Variants in CADPS observed in about 807,000 individuals in gnomAD.
The protein encoded by CADPS is calcium dependent secretion activator, also known as calcium-dependent secretion activator 1.
CADPS carries 57 observed loss-of-function variants against 167.3 expected under a neutral mutation model. The observed-to-expected ratio is 0.34, with a 90% CI of 0.28 to 0.42. The LOEUF is 0.42. Ranked by LOEUF, CADPS falls within the 20% of genes least tolerant of loss-of-function variation. CADPS has a pLI of 1.00. For synonymous variants in CADPS, 676 were observed against 635.3 expected (o/e 1.06, Z -0.96); for missense variants, 1,414 against 1,738.1 (o/e 0.81, Z 3.32).
At chr3:62,508,118 T>A (rs1398424569) in intron 17 of CADPS, among the ~76,000 whole-genome samples, 1 of 152,128 alleles carries the variant, frequency 6.6e-6, no homozygotes, top group Non-Finnish European at 1.5e-5. Context: ...GACTCTAACA[T>A]GTGGATGCTA....
Position 62,518,131 on chromosome 3 carries a change from C to G in CADPS, c.2393+18G>C. On this transcript the variant is annotated intron_variant, in intron 14 of 29. Coordinates refer to ENST00000383710, the MANE Select transcript of CADPS (RefSeq NM_003716.4). The stretch of plus-strand genomic sequence containing the variant: ...ACTCTCATCTCCTAATTAAAGCTCT[C>G]CAGCCCCAGATCCTTACCTAAAATG... The G allele has an allele frequency of 6.4e-7, 1 of 1,573,790 alleles. No individual in the cohort carries two copies. The highest frequency in any genetic ancestry group is 1.1e-5 in the South Asian group (1 of 90,124).
chr3:62,730,314 T>G (rs2077527746), intron 3 of CADPS, among the ~76,000 whole-genome samples: 1 of 152,264 alleles, frequency 6.6e-6, no homozygotes, highest in East Asian at 1.9e-4. Flanking sequence ...CAATAGAAGG[T>G]TATGCTACTG....
intron 9 of CADPS, 130 bp from the exon 10 acceptor site, chr3:62,557,643 G>A (rs1376899277): frequency 4.2e-6 from 3 of 711,938 alleles, no homozygotes; most frequent in Non-Finnish European, 7.6e-6. Flanking sequence ...GCTACCTCCT[G>A]GCTGTGTGAC....
At chr3:62,552,878 G>T (rs143439979) in intron 10 of CADPS, among the ~76,000 whole-genome samples, 2 of 152,200 alleles carry the variant, frequency 1.3e-5, no homozygotes, top group African/African-American at 4.8e-5. Flanking sequence ...CATATGGAAA[G>T]TTTTAAAATA....
At chr3:62,834,882 C>G (rs2075672788) in intron 1 of CADPS, among the ~76,000 whole-genome samples, 1 of 152,072 alleles carries the variant, frequency 6.6e-6, no homozygotes, top group Admixed American at 6.6e-5. Context: ...AATGTTCTCC[C>G]AATTACAATT....
chr3:62,822,993 C>A (rs776122346), intron 1 of CADPS, among the ~76,000 whole-genome samples: 7 of 152,084 alleles, frequency 4.6e-5, no homozygotes, highest in Non-Finnish European at 8.8e-5. Context: ...GAACCCAGAA[C>A]CTTGACTGAC....
intron 6 of CADPS, among the ~76,000 whole-genome samples, chr3:62,617,138 T>C (rs1353369746): frequency 6.6e-6 from 1 of 152,150 alleles, no homozygotes; most frequent in East Asian, 1.9e-4. Context: ...AACTGAGTAA[T>C]TACCTGAACA....
chr3:62,585,287 G>A lies in CADPS; in HGVS notation c.1475C>T (p.Ser492Leu), dbSNP rs1194895026. The A allele has an allele frequency of 6.2e-7, 1 of 1,613,808 alleles. No individual in the cohort carries two copies. Among genetic ancestry groups the A allele is most frequent in the South Asian group, 1.1e-5 (1 of 91,064 alleles). The change falls in exon 8 of 30, where the codon TCA (serine) becomes TTA (leucine). Residue 492 changes from serine to leucine, a missense_variant. Ser to Leu is a moderately radical substitution (Grantham distance 145). Around this residue, in one of 6 missense-constraint regions of CADPS, gnomAD observed 157 missense variants for 229.4 expected, o/e 0.68. Coordinates refer to ENST00000383710, the MANE Select transcript of CADPS (RefSeq NM_003716.4). ...LHPTPNSPKQ[S>L]EWHKMTVSKN... ...GGAGACTGTCATTTTGTGCCACTCT[G>A]ACTGTTTGGGGCTGTTCGGGGTGGG... is the stretch of plus-strand genomic sequence containing the variant.
intron 3 of CADPS, among the ~76,000 whole-genome samples, chr3:62,684,465 A>G (rs2077642517): frequency 6.6e-6 from 1 of 152,024 alleles, no homozygotes; most frequent in Non-Finnish European, 1.5e-5. Context: ...TTTTTATGGG[A>G]GAAGGATATT....
chr3:62,729,493 G>A (rs191684415), intron 3 of CADPS, among the ~76,000 whole-genome samples: 1 of 152,022 alleles, frequency 6.6e-6, no homozygotes, highest in African/African-American at 2.4e-5. Context: ...GGGTCTAAGA[G>A]CTCAGTCTTT....
Position 62,648,052 on chromosome 3 carries a change from A to T in CADPS, c.1204-2209T>A, listed in dbSNP as rs182990659. Among the ~76,000 whole-genome samples the T allele has an allele frequency of 3.3e-4, 51 of 152,246 alleles. No homozygotes were observed. In the East Asian group the frequency reaches 5.4e-3, roughly 16 times the overall value. ...GGCCCCTCCAGCCATGCAAGTGTAT[A>T]ATTATGTAAAATATGACTTGCACCA... On this transcript the variant is annotated intron_variant, in intron 5 of 29. Transcript: ENST00000383710.
intron 1 of CADPS, among the ~76,000 whole-genome samples, chr3:62,792,247 G>T (rs1214147278): frequency 6.6e-6 from 1 of 151,548 alleles, no homozygotes; most frequent in African/African-American, 2.4e-5. Context: ...GCCCAGGCTG[G>T]AGTGCAATGG....
rs139230567 is a variant in CADPS, at chr3:62,842,674, T to C, written c.441+31915A>G. 4.0e-4 allele frequency among the ~76,000 whole-genome samples: 61 copies of C among 152,270 alleles called. 2 individuals are homozygous for C. The highest frequency in any genetic ancestry group is 1.4e-3 in the African/African-American group (57 of 41,564). ...AGGCAGAAATTTGCAGAGAGAAGAATTGAGGCAGAGAGGAAGTTTTATTGT... is the reference window on the plus strand; with the variant it reads ...AGGCAGAAATTTGCAGAGAGAAGAACTGAGGCAGAGAGGAAGTTTTATTGT... On this transcript the variant is annotated intron_variant, in intron 1 of 29. Transcript: ENST00000383710.
chr3:62,600,845 A>G (rs1312222895), intron 6 of CADPS, among the ~76,000 whole-genome samples: 1 of 152,186 alleles, frequency 6.6e-6, no homozygotes, highest in Non-Finnish European at 1.5e-5. Flanking sequence ...CCAGATGGGA[A>G]TAGTGGTCTG....
intron 10 of CADPS, chr3:62,550,720 A>G (rs1027157095): frequency 4.5e-6 from 2 of 445,028 alleles, no homozygotes; most frequent in African/African-American, 4.0e-5. Context: ...AACCCCTCCA[A>G]TCAGGCTGCT....
At chr3:62,667,037 G>GTTTTTT in intron 3 of CADPS, among the ~76,000 whole-genome samples, 1 of 133,726 alleles carries the variant, frequency 7.5e-6, no homozygotes, top group Non-Finnish European at 1.6e-5. Flanking sequence ...TTCCAATCTT[G>GTTTTTT]TTTTTTTTTT....
intron 3 of CADPS, among the ~76,000 whole-genome samples, chr3:62,666,268 A>T (rs1171989750): frequency 6.6e-6 from 1 of 152,168 alleles, no homozygotes; most frequent in East Asian, 1.9e-4. Flanking sequence ...GAGGATGAAA[A>T]GGGAAATGCA....
intron 4 of CADPS, among the ~76,000 whole-genome samples, chr3:62,657,907 G>C (rs2150371620): frequency 6.6e-6 from 1 of 152,198 alleles, no homozygotes; most frequent in Admixed American, 6.5e-5. Flanking sequence ...ATCTTTTCCA[G>C]ATTCTAAAAA....
At chr3:62,565,841 G>T (rs2080064516) in intron 9 of CADPS, among the ~76,000 whole-genome samples, 2 of 152,174 alleles carry the variant, frequency 1.3e-5, no homozygotes, top group African/African-American at 4.8e-5. Context: ...GGTTCCCCAA[G>T]ACAGTAGTAC....
Sources: gnomAD v4.1 joint callset for allele counts (sites outside exome capture counted in the v4.1 genomes callset) on GRCh38, gnomAD v4.1.1 for gene constraint, gnomAD v4.1.1 regional missense constraint, MANE v1.5 for transcripts, NCBI Gene and HGNC (gene_info 2026-07-23, HGNC 2026-07-21) for gene names.